Variants in GPC5 observed in about 807,000 individuals in gnomAD.
The protein encoded by GPC5 is glypican 5.
Under a neutral mutation model 53.9 loss-of-function variants are expected in GPC5, and 47 were observed. The observed-to-expected ratio is 0.87, with a 90% CI of 0.69 to 1.11. The LOEUF (loss-of-function observed/expected upper bound fraction) is 1.11. Ranked by LOEUF, GPC5 falls within the 50% of genes most tolerant of loss-of-function variation. The pLI, the probability that GPC5 is intolerant of heterozygous loss-of-function variation, is 0.00. For synonymous variants in GPC5, 286 were observed against 263.3 expected (o/e 1.09, Z -0.84); for missense variants, 748 against 713.1 (o/e 1.05, Z -0.56).
chr13:91,689,297 A>G lies in GPC5; in HGVS notation c.326-3890A>G, dbSNP rs561279267. Among the ~76,000 whole-genome samples, 138 of 144,158 alleles carry G rather than the reference A, an allele frequency of 9.6e-4. 2 individuals carry two copies. In the South Asian group the frequency reaches 0.018, roughly 19 times the overall value. The allele number at this position is 144,158 out of a possible 152,430, so 94.6% of individuals were successfully genotyped here. On this transcript the variant is annotated intron_variant, in intron 2 of 7. Coordinates refer to ENST00000377067, the MANE Select transcript of GPC5 (RefSeq NM_004466.6). Reference sequence around the variant, plus strand: ...ACACCTGCATAGGGCACATAGCATGAGTGGAGCTTGCAAGATTAGAAGTTG... The same window carrying G: ...ACACCTGCATAGGGCACATAGCATGGGTGGAGCTTGCAAGATTAGAAGTTG...
chr13:91,806,021 ATTTTTTTTTTTTTTTTTTTTTT>A (rs71113764), intron 5 of GPC5, among the ~76,000 whole-genome samples: 1 of 48,558 alleles, frequency 2.1e-5, no homozygotes, highest in African/African-American at 8.7e-5. Context: ...AAATACAATA[ATTTTTTTTTTTTTTTTTTTTTT>A]TTTTTTTTGG....
chr13:92,125,862 G>A (rs1201619477), intron 6 of GPC5, among the ~76,000 whole-genome samples: 2 of 143,340 alleles, frequency 1.4e-5, no homozygotes, highest in African/African-American at 2.6e-5. Flanking sequence ...TATGTGAGTT[G>A]AGTTGGACTT....
At chr13:91,764,038 T>C (rs1328810021) in intron 5 of GPC5, among the ~76,000 whole-genome samples, 2 of 152,214 alleles carry the variant, frequency 1.3e-5, no homozygotes, top group Non-Finnish European at 2.9e-5. Flanking sequence ...TATTTTTATA[T>C]ATTTTTTTCT....
At chr13:92,731,913 A>T (rs182270000) in intron 7 of GPC5, among the ~76,000 whole-genome samples, 50 of 151,580 alleles carry the variant, frequency 3.3e-4, no homozygotes, top group African/African-American at 1.2e-3. Context: ...TGTAATGAAC[A>T]ACCTGGAAAT....
At chr13:91,617,943 C>G (rs930877403) in intron 2 of GPC5, among the ~76,000 whole-genome samples, 1 of 152,082 alleles carries the variant, frequency 6.6e-6, no homozygotes, top group African/African-American at 2.4e-5. Context: ...TATTTACACA[C>G]TGACATTTGA....
At chr13:92,248,193 T>C (rs1283525900) in intron 7 of GPC5, among the ~76,000 whole-genome samples, 2 of 112,256 alleles carry the variant, frequency 1.8e-5, no homozygotes, top group South Asian at 3.3e-4. Context: ...AATAGAGGTA[T>C]GGCCATAGGA....
intron 7 of GPC5, among the ~76,000 whole-genome samples, chr13:92,403,272 C>T (rs1244028769): frequency 6.6e-6 from 1 of 152,134 alleles, no homozygotes; most frequent in Non-Finnish European, 1.5e-5. Flanking sequence ...TGTAGTTTTT[C>T]AAACTATGCA....
At chr13:92,034,538 A>C (rs1378479455) in intron 6 of GPC5, among the ~76,000 whole-genome samples, 2 of 152,148 alleles carry the variant, frequency 1.3e-5, no homozygotes, top group Non-Finnish European at 2.9e-5. Context: ...GTAATAAAAA[A>C]TACGGTAAAG....
chr13:92,485,902 G>A lies in GPC5; in HGVS notation c.1561+340913G>A, dbSNP rs573768942. ...AATCACTTGAATCTGGGAGGCAGAG[G>A]TTGCAGTGAGCTGAGATGGTGCCAT... On this transcript the variant is annotated intron_variant, in intron 7 of 7. Transcript: ENST00000377067. 3.9e-5 allele frequency among the ~76,000 whole-genome samples: 6 copies of A among 152,302 alleles called. No individual in the cohort carries two copies. In the South Asian group the frequency reaches 6.2e-4, roughly 16 times the overall value.
intron 2 of GPC5, among the ~76,000 whole-genome samples, chr13:91,580,921 TG>T (rs2032337664): frequency 6.6e-6 from 1 of 152,224 alleles, no homozygotes; most frequent in Non-Finnish European, 1.5e-5. Flanking sequence ...CAGTTCAGCA[TG>T]GGTGGCGAGG....
At chr13:91,907,754 G>A (rs1032444256) in intron 5 of GPC5, among the ~76,000 whole-genome samples, 183 bp from the exon 6 acceptor site, 4 of 151,774 alleles carry the variant, frequency 2.6e-5, no homozygotes, top group African/African-American at 9.7e-5. Flanking sequence ...CTAATGGCAC[G>A]ATAAGCATTT....
chr13:92,477,432 C>A (rs925436952), intron 7 of GPC5, among the ~76,000 whole-genome samples: 4 of 152,114 alleles, frequency 2.6e-5, no homozygotes, highest in African/African-American at 9.7e-5. Flanking sequence ...ATCTGCAGGA[C>A]CTTAGTAAAC....
intron 5 of GPC5, among the ~76,000 whole-genome samples, chr13:91,785,584 C>T (rs1240308963): frequency 6.6e-6 from 1 of 152,210 alleles, no homozygotes; most frequent in African/African-American, 2.4e-5. Flanking sequence ...GCATATTCAG[C>T]TCAATGGCTA....
At chr13:91,814,681 C>A (rs534483353) in intron 5 of GPC5, among the ~76,000 whole-genome samples, 2 of 152,230 alleles carry the variant, frequency 1.3e-5, no homozygotes, top group Admixed American at 1.3e-4. Context: ...GCTGGGATTA[C>A]AGGCACCCAT....
intron 2 of GPC5, among the ~76,000 whole-genome samples, chr13:91,579,630 T>C (rs866666491): frequency 0.051 from 7,224 of 140,758 alleles, 250 homozygotes; most frequent in South Asian, 0.23. Flanking sequence ...TTTTCTTTTT[T>C]TTTTTTTTTT....
chr13:92,685,144 G>A (rs912224990), intron 7 of GPC5, among the ~76,000 whole-genome samples: 2 of 151,848 alleles, frequency 1.3e-5, no homozygotes, highest in African/African-American at 2.4e-5. Context: ...ATGCTAGAGT[G>A]CAGTGGTGCA....
chr13:92,011,484 T>C (rs1346435309), intron 6 of GPC5, among the ~76,000 whole-genome samples: 4 of 152,204 alleles, frequency 2.6e-5, no homozygotes, highest in East Asian at 1.9e-4. Context: ...TTGCAAAATA[T>C]TGAATTTTGA....
chr13:92,354,654 A>AT (rs2043507683), intron 7 of GPC5, among the ~76,000 whole-genome samples: 1 of 152,238 alleles, frequency 6.6e-6, no homozygotes, highest in Non-Finnish European at 1.5e-5. Flanking sequence ...AAGAGTGCAT[A>AT]ACACTGAATG....
rs1566320284 is a variant in GPC5 at position 92,613,379 on chromosome 13, A to ATTATATATTTATATATAAATATATT, written c.1562-252897_1562-252896insATTTATATATAAATATATTTTATAT. Reference sequence around the variant, plus strand: ...ATATAATATATTTATATATAAATATATTATATTATATATAAATATATATTA... The same window carrying ATTATATATTTATATATAAATATATT: ...ATATAATATATTTATATATAAATATATTATATATTTATATATAAATATATTTTATATTATATATAAATATATATTA... On this transcript the variant is annotated intron_variant, in intron 7 of 7. Coordinates refer to ENST00000377067, the MANE Select transcript of GPC5 (RefSeq NM_004466.6). Among the ~76,000 whole-genome samples the ATTATATATTTATATATAAATATATT allele has an allele frequency of 7.3e-3, 525 of 72,364 alleles. 14 individuals carry two copies. The highest frequency in any genetic ancestry group is 0.026 in the African/African-American group (510 of 19,644). 47.5% of individuals were successfully genotyped at this position (72,364 alleles called of 152,430 possible).
Sources: gnomAD v4.1 joint callset for allele counts (sites outside exome capture counted in the v4.1 genomes callset) on GRCh38, gnomAD v4.1.1 for gene constraint, MANE v1.5 for transcripts, NCBI Gene and HGNC (gene_info 2026-07-23, HGNC 2026-07-21) for gene names.